Variants in ELK3 observed in about 807,000 individuals in gnomAD.
ELK3 encodes ETS transcription factor ELK3.
Under a neutral mutation model 28.9 loss-of-function variants are expected in ELK3, and 10 were observed. That is an observed-to-expected ratio of 0.35 (90% CI 0.21 to 0.59). The LOEUF is 0.59. Among genes scored for constraint, ELK3 ranks in the 20% least tolerant of loss-of-function variants. The probability of loss-of-function intolerance (pLI) is 0.82; values close to 1 mark genes in which losing one functional copy is unlikely to be tolerated. For synonymous variants in ELK3, 272 were observed against 243.5 expected (o/e 1.12, Z -1.09); for missense variants, 463 against 517.3 (o/e 0.90, Z 1.02).
In ELK3 at chr12:96,204,164, G is replaced by A. The variant is rs141252517; in HGVS notation, c.-3+9459G>A. Among the ~76,000 whole-genome samples, 471 of 152,128 alleles carry A rather than the reference G, an allele frequency of 3.1e-3. 5 individuals are homozygous for A. The highest frequency in any genetic ancestry group is 0.011 in the African/African-American group (455 of 41,482). On this transcript the variant is annotated intron_variant, in intron 1 of 4. Coordinates refer to ENST00000228741, the MANE Select transcript of ELK3 (RefSeq NM_005230.4). ...TAGGATATGTTGAAAGAATCTCAAT[G>A]TAAAGTTTTTTTTTTTATAGAATTA...
chr12:96,201,622 T>A (rs1951508539), intron 1 of ELK3, among the ~76,000 whole-genome samples: 1 of 149,452 alleles, frequency 6.7e-6, no homozygotes, highest in Non-Finnish European at 1.5e-5. Flanking sequence ...GTGGAGAAGC[T>A]GAGATATACT....
intron 3 of ELK3, among the ~76,000 whole-genome samples, chr12:96,252,872 T>A (rs929919549): frequency 2.6e-5 from 4 of 152,338 alleles, no homozygotes; most frequent in African/African-American, 9.6e-5. Context: ...GCGGCAGGGT[T>A]TGAGAGGATT....
intron 2 of ELK3, among the ~76,000 whole-genome samples, chr12:96,232,688 T>C (rs1204772974): frequency 1.3e-5 from 2 of 151,682 alleles, no homozygotes; most frequent in Admixed American, 6.6e-5. Context: ...GATGAGAAGA[T>C]TGCTTGAGCC....
intron 1 of ELK3, among the ~76,000 whole-genome samples, chr12:96,210,561 G>GCGCGCA (rs1555193024): frequency 2.1e-5 from 3 of 144,750 alleles, no homozygotes; most frequent in Non-Finnish European, 4.6e-5. Flanking sequence ...GCGCGCGGGC[G>GCGCGCA]CACGCACACA....
chr12:96,258,862 G>A (rs1488670980), intron 3 of ELK3, among the ~76,000 whole-genome samples: 1 of 152,140 alleles, frequency 6.6e-6, no homozygotes, highest in Admixed American at 6.5e-5. Flanking sequence ...CCATTGCCAG[G>A]GCAATGAATT....
At chr12:96,243,696 T>A (rs1345987276) in intron 2 of ELK3, among the ~76,000 whole-genome samples, 3 of 151,960 alleles carry the variant, frequency 2.0e-5, no homozygotes, top group East Asian at 3.9e-4. Flanking sequence ...TAAAAAAAAT[T>A]AGCCAGGCAT....
At chr12:96,215,797 A>T (rs1409793292) in intron 1 of ELK3, among the ~76,000 whole-genome samples, 1 of 151,848 alleles carries the variant, frequency 6.6e-6, no homozygotes, top group East Asian at 1.9e-4. Flanking sequence ...CACCAGACAC[A>T]GCTAATTTTT....
At chr12:96,250,403 T>C (rs1951894124) in intron 3 of ELK3, among the ~76,000 whole-genome samples, 1 of 152,150 alleles carries the variant, frequency 6.6e-6, no homozygotes, top group East Asian at 1.9e-4. Flanking sequence ...TGAGATCAGA[T>C]AGGATATCTT....
At chr12:96,241,403 C>T (rs1321446931) in intron 2 of ELK3, among the ~76,000 whole-genome samples, 1 of 151,034 alleles carries the variant, frequency 6.6e-6, no homozygotes, top group Non-Finnish European at 1.5e-5. Context: ...ACTCCTTCCT[C>T]TTCAAAGGGC....
chr12:96,228,017 G>T (rs1385226159), intron 2 of ELK3, among the ~76,000 whole-genome samples: 1 of 152,102 alleles, frequency 6.6e-6, no homozygotes, highest in African/African-American at 2.4e-5. Context: ...GTGCAAAGAA[G>T]AAAATTAGAA....
chr12:96,261,180 G>A (rs1951990005), intron 4 of ELK3, among the ~76,000 whole-genome samples: 1 of 152,200 alleles, frequency 6.6e-6, no homozygotes, highest in South Asian at 2.1e-4. Flanking sequence ...CTCTTTGTAA[G>A]GGTGGAGCTA....
chr12:96,239,762 A>G (rs1191038905), intron 2 of ELK3, among the ~76,000 whole-genome samples: 1 of 152,240 alleles, frequency 6.6e-6, no homozygotes, highest in African/African-American at 2.4e-5. Context: ...CCCTGAGCAG[A>G]GGCCTGAGCC....
At chr12:96,245,623 G>A (rs960257775) in intron 2 of ELK3, among the ~76,000 whole-genome samples, 1 of 152,122 alleles carries the variant, frequency 6.6e-6, no homozygotes, top group African/African-American at 2.4e-5. Flanking sequence ...AGGAAACAGA[G>A]TCCTTTTCCC....
At chr12:96,205,925 A>C (rs1470075408) in intron 1 of ELK3, among the ~76,000 whole-genome samples, 1 of 152,226 alleles carries the variant, frequency 6.6e-6, no homozygotes, top group Non-Finnish European at 1.5e-5. Flanking sequence ...GATTGGTGAC[A>C]AATGAAGTAA....
intron 1 of ELK3, among the ~76,000 whole-genome samples, chr12:96,199,275 C>T (rs1043959065): frequency 6.6e-6 from 1 of 152,194 alleles, no homozygotes; most frequent in Non-Finnish European, 1.5e-5. Flanking sequence ...TACATTTTAA[C>T]AACTCCTATT....
intron 3 of ELK3, among the ~76,000 whole-genome samples, chr12:96,249,380 C>T (rs1218693635): frequency 2.0e-5 from 3 of 152,136 alleles, no homozygotes; most frequent in African/African-American, 4.8e-5. Context: ...TGGTGACGCG[C>T]GCCACTGCGG....
chr12:96,216,460 C>A (rs17025287), intron 1 of ELK3, among the ~76,000 whole-genome samples: 9 of 152,192 alleles, frequency 5.9e-5, no homozygotes, highest in African/African-American at 1.9e-4. Context: ...GACTACAAAA[C>A]AGAAGCATAC....
chr12:96,223,867 T>G (rs1951680612), intron 2 of ELK3, 94 bp downstream of exon 2: 7 of 1,308,618 alleles, frequency 5.3e-6, no homozygotes, highest in Non-Finnish European at 7.5e-6. Flanking sequence ...GTGCTATGAA[T>G]CAAGTTAGAA....
At chr12:96,219,986 C>T (rs4762285) in intron 1 of ELK3, among the ~76,000 whole-genome samples, 29,807 of 152,060 alleles carry the variant, frequency 0.2, 3,655 homozygotes, top group Middle Eastern at 0.31. Context: ...TAGTCACCTC[C>T]GCCGGAGCAG....
Sources: gnomAD v4.1 joint callset for allele counts (sites outside exome capture counted in the v4.1 genomes callset) on GRCh38, gnomAD v4.1.1 for gene constraint, MANE v1.5 for transcripts, NCBI Gene and HGNC (gene_info 2026-07-23, HGNC 2026-07-21) for gene names.